IGF1R: variants seen among roughly 807,000 people sequenced by gnomAD.
IGF1R encodes insulin like growth factor 1 receptor.
In IGF1R, 44 loss-of-function variants were observed where a neutral mutation model predicts 144.6. The observed-to-expected ratio is 0.30, with a 90% CI of 0.24 to 0.39. IGF1R has a LOEUF of 0.39. Ranked by LOEUF, IGF1R falls within the 10% of genes least tolerant of loss-of-function variation. The pLI, the probability that IGF1R is intolerant of heterozygous loss-of-function variation, is 1.00. For synonymous variants in IGF1R, 795 were observed against 722.8 expected, an observed-to-expected ratio of 1.10 and a Z score of -1.60; for missense variants, 1,355 against 1,833.7, an observed-to-expected ratio of 0.74 and a Z score of 4.77.
At chr15:98,700,046 C>T (rs2053687909) in intron 1 of IGF1R, among the ~76,000 whole-genome samples, 1 of 152,194 alleles carries the variant, frequency 6.6e-6, no homozygotes, top group Non-Finnish European at 1.5e-5. Context: ...TGTCGGTTTA[C>T]ACTTACACAG....
intron 3 of IGF1R, among the ~76,000 whole-genome samples, chr15:98,894,235 C>G (rs993424632): frequency 2.4e-4 from 36 of 152,292 alleles, no homozygotes; most frequent in Middle Eastern, 3.4e-3. Flanking sequence ...CCACTGTACC[C>G]AGCTTCAGAT....
intron 1 of IGF1R, among the ~76,000 whole-genome samples, chr15:98,669,928 C>G (rs550018097): frequency 1.7e-4 from 26 of 152,184 alleles, no homozygotes; most frequent in Admixed American, 3.9e-4. Flanking sequence ...CTACAGTGGG[C>G]GGCAGAGTGG....
intron 1 of IGF1R, among the ~76,000 whole-genome samples, chr15:98,674,060 T>C (rs1391622252): frequency 2.0e-5 from 3 of 152,208 alleles, no homozygotes; most frequent in Admixed American, 6.5e-5. Context: ...ATGCTATCTA[T>C]AGGTTCTAGA....
At chr15:98,927,178 G>A (rs2015754759) in intron 13 of IGF1R, among the ~76,000 whole-genome samples, 1 of 152,182 alleles carries the variant, frequency 6.6e-6, no homozygotes, top group African/African-American at 2.4e-5. Flanking sequence ...TCCAGCAGAT[G>A]TTATCACGTA....
intron 20 of IGF1R, among the ~76,000 whole-genome samples, chr15:98,951,166 T>A (rs2016758864): frequency 6.6e-6 from 1 of 152,226 alleles, no homozygotes; most frequent in South Asian, 2.1e-4. Flanking sequence ...GCATCACCCT[T>A]GCACAGCTAG....
chr15:98,830,883 T>A (rs775409333), intron 2 of IGF1R, among the ~76,000 whole-genome samples: 1 of 152,154 alleles, frequency 6.6e-6, no homozygotes, highest in African/African-American at 2.4e-5. Context: ...GGATTACAGG[T>A]GTGAACCACC....
chr15:98,733,432 T>C (rs1283904421), intron 2 of IGF1R, among the ~76,000 whole-genome samples: 1 of 151,794 alleles, frequency 6.6e-6, no homozygotes, highest in East Asian at 1.9e-4. Context: ...TCCTCCCACC[T>C]CAGTCTCCCA....
chr15:98,751,464 C>T (rs1451755118), intron 2 of IGF1R, among the ~76,000 whole-genome samples: 1 of 152,136 alleles, frequency 6.6e-6, no homozygotes, highest in African/African-American at 2.4e-5. Context: ...CTCCCCTCAA[C>T]TCTCAAAAGG....
At chr15:98,815,288 G>A (rs2056672971) in intron 2 of IGF1R, among the ~76,000 whole-genome samples, 11 of 152,194 alleles carry the variant, frequency 7.2e-5, no homozygotes, top group Admixed American at 7.2e-4. Context: ...GGGAACAATG[G>A]CTGTCTTTTT....
At chr15:98,898,315 A>T (rs1473348323) in intron 4 of IGF1R, among the ~76,000 whole-genome samples, 2 of 152,210 alleles carry the variant, frequency 1.3e-5, no homozygotes, top group Non-Finnish European at 2.9e-5. Flanking sequence ...ACCCATGGAG[A>T]AGTATCATTT....
intron 2 of IGF1R, among the ~76,000 whole-genome samples, chr15:98,763,626 A>C (rs745422646): frequency 3.9e-5 from 6 of 152,142 alleles, no homozygotes; most frequent in African/African-American, 7.2e-5. Flanking sequence ...GTCCCTTTGG[A>C]AGCCTAAGGG....
chr15:98,655,770 A>C (rs1567059856), intron 1 of IGF1R, among the ~76,000 whole-genome samples: 3 of 151,370 alleles, frequency 2.0e-5, no homozygotes, highest in African/African-American at 7.3e-5. Flanking sequence ...CTAGGCTGGA[A>C]TGCAGTGGTG....
At chr15:98,651,056 G>A in intron 1 of IGF1R, 3 of 985,434 alleles carry the variant, frequency 3.0e-6, no homozygotes, top group Non-Finnish European at 3.6e-6. Flanking sequence ...CGCAGAACTG[G>A]GACTGGGAAC....
intron 13 of IGF1R, among the ~76,000 whole-genome samples, chr15:98,926,416 A>G (rs2015720971): frequency 6.6e-6 from 1 of 151,784 alleles, no homozygotes; most frequent in Admixed American, 6.6e-5. Flanking sequence ...AGTAATAATG[A>G]TGTATTCTTA....
rs542685243 is a variant in IGF1R at position 98,891,773 on chromosome 15, G to A, written c.953+136G>A. On this transcript the variant is annotated intron_variant, in intron 3 of 20. Transcript: ENST00000650285. This position sits in a 1 kb window ranked among gnomAD's most constrained non-coding sequence, Gnocchi z 4.7. ...TCACTGAGGTGGGTCATTTTGAGAG[G>A]GCTGGCTTACCTTAAATGTTTGGTG... 67 of 802,054 alleles carry A rather than the reference G, an allele frequency of 8.4e-5. 1 individual carries two copies. In the South Asian group the frequency reaches 9.9e-4, roughly 12 times the overall value. 49.7% of individuals were successfully genotyped at this position (802,054 alleles called of 1,614,324 possible).
At position 98,934,732 on chromosome 15, in the gene IGF1R, C is replaced by T. The variant is rs971050118; in HGVS notation, c.2957-92C>T. ...ATTCTCTGTGGGTTTAAGGAAGCAG[C>T]ATCTTATATTCTTTGGCTTAGAGTT... On this transcript the variant is annotated intron_variant, in intron 15 of 20. Transcript: ENST00000650285. The T allele has an allele frequency of 4.8e-6, 5 of 1,036,040 alleles. No individual in the cohort carries two copies. In the Admixed American group the frequency reaches 9.6e-5, roughly 20 times the overall value. 64.2% of individuals were successfully genotyped at this position (1,036,040 alleles called of 1,614,324 possible).
intron 15 of IGF1R, among the ~76,000 whole-genome samples, chr15:98,931,385 G>A (rs544609728): frequency 6.6e-6 from 1 of 152,272 alleles, no homozygotes; most frequent in African/African-American, 2.4e-5. Flanking sequence ...GATCAAATAA[G>A]AAAACATAAG....
At chr15:98,911,482 C>T in intron 7 of IGF1R, 41 bp downstream of exon 7, 1 of 1,613,410 alleles carries the variant, frequency 6.2e-7, no homozygotes, top group Non-Finnish European at 8.5e-7. Flanking sequence ...GTTGACAGGG[C>T]TACGAATGGG....
chr15:98,861,856 C>G (rs1205522669), intron 2 of IGF1R, among the ~76,000 whole-genome samples: 3 of 152,228 alleles, frequency 2.0e-5, no homozygotes, highest in Admixed American at 6.5e-5. Flanking sequence ...TTTGTACATT[C>G]CTTGACAGCA....
Sources: gnomAD v4.1 joint callset for allele counts (sites outside exome capture counted in the v4.1 genomes callset) on GRCh38, gnomAD v4.1.1 for gene constraint, Gnocchi (gnomAD v3.1) non-coding constraint, MANE v1.5 for transcripts, NCBI Gene and HGNC (gene_info 2026-07-23, HGNC 2026-07-21) for gene names.